Variants in KCTD1 observed in about 807,000 individuals in gnomAD.
KCTD1 encodes potassium channel tetramerization domain containing 1.
In KCTD1, 24 loss-of-function variants were observed where a neutral mutation model predicts 66.0. The ratio of observed to expected loss-of-function variants is 0.36; its 90% confidence interval spans 0.26 to 0.51. KCTD1 has a LOEUF of 0.51. Ranked by LOEUF, KCTD1 falls within the 20% of genes least tolerant of loss-of-function variation. The probability of loss-of-function intolerance (pLI) is 0.95; values close to 1 mark genes in which losing one functional copy is unlikely to be tolerated. For synonymous variants in KCTD1, 511 were observed against 517.2 expected, an observed-to-expected ratio of 0.99 and a Z score of 0.16; for missense variants, 943 against 1,205.2, an observed-to-expected ratio of 0.78 and a Z score of 3.22.
intron 1 of KCTD1, among the ~76,000 whole-genome samples, chr18:26,579,767 A>G (rs1598950451): frequency 6.6e-6 from 1 of 152,318 alleles, no homozygotes; most frequent in East Asian, 1.9e-4. Context: ...AATAAGTGGC[A>G]TTTAAAAAGC....
upstream of KCTD1, among the ~76,000 whole-genome samples, chr18:26,642,703 G>C (rs1987854658): frequency 6.6e-6 from 1 of 152,246 alleles, no homozygotes; most frequent in Non-Finnish European, 1.5e-5. Context: ...GGTCAGTTAA[G>C]TAGCGTGAAA....
At chr18:26,625,797 C>G (rs1313923198) in intron 1 of KCTD1, among the ~76,000 whole-genome samples, 4 of 152,142 alleles carry the variant, frequency 2.6e-5, no homozygotes, top group Non-Finnish European at 5.9e-5. Flanking sequence ...TCTTTTGCCT[C>G]TCTGGTCCCC....
intron 1 of KCTD1, among the ~76,000 whole-genome samples, chr18:26,558,409 A>G (rs1237279778): frequency 6.6e-6 from 1 of 152,198 alleles, no homozygotes; most frequent in Non-Finnish European, 1.5e-5. Flanking sequence ...TTCCTCAAAA[A>G]ACTAAAAATA....
chr18:26,629,981 C>T (rs182437751), upstream of KCTD1, among the ~76,000 whole-genome samples: 50 of 152,270 alleles, frequency 3.3e-4, no homozygotes, highest in African/African-American at 1.0e-3. Flanking sequence ...AAAGAAGCCT[C>T]GTCTGTCCAG....
At chr18:26,601,567 T>C (rs1017242350) in intron 1 of KCTD1, among the ~76,000 whole-genome samples, 1 of 152,208 alleles carries the variant, frequency 6.6e-6, no homozygotes, top group African/African-American at 2.4e-5. Context: ...AGCCGTGATT[T>C]TGATGGAGAC....
intron 1 of KCTD1, among the ~76,000 whole-genome samples, chr18:26,618,997 C>T (rs999556819): frequency 1.3e-5 from 2 of 152,174 alleles, no homozygotes; most frequent in Admixed American, 6.5e-5. Flanking sequence ...GCTCTGCCTT[C>T]CCTGGAGTCT....
intron 1 of KCTD1, among the ~76,000 whole-genome samples, chr18:26,590,498 A>G (rs1986576029): frequency 6.6e-6 from 1 of 152,156 alleles, no homozygotes; most frequent in Admixed American, 6.5e-5. Flanking sequence ...TGCCCTATCT[A>G]TTTAGAAAGG....
At chr18:26,575,866 C>T (rs1986213265) in intron 1 of KCTD1, among the ~76,000 whole-genome samples, 1 of 152,166 alleles carries the variant, frequency 6.6e-6, no homozygotes, top group Non-Finnish European at 1.5e-5. Flanking sequence ...TGAAACAGAG[C>T]CAAGGATGAG....
chr18:26,630,181 G>C (rs79598970), upstream of KCTD1, among the ~76,000 whole-genome samples: 3,793 of 152,220 alleles, frequency 0.025, 147 homozygotes, highest in African/African-American at 0.086. Flanking sequence ...TGCTAATACA[G>C]GCAACAGCAG....
At chr18:26,532,151 A>G (rs554262217) in intron 1 of KCTD1, among the ~76,000 whole-genome samples, 26 of 152,314 alleles carry the variant, frequency 1.7e-4, no homozygotes, top group African/African-American at 5.8e-4. Context: ...AAGGCTACAC[A>G]TAACCTAACA....
At chr18:26,461,898 C>CT (rs1358751291) in intron 3 of KCTD1, among the ~76,000 whole-genome samples, 1 of 152,146 alleles carries the variant, frequency 6.6e-6, no homozygotes, top group Non-Finnish European at 1.5e-5. Context: ...GGTGGATTAT[C>CT]TGAGGTCAGG....
Position 26,547,931 on chromosome 18 carries a change from C to T in KCTD1, c.606G>A (p.Gly202=). 1.3e-6 allele frequency: 2 copies of T among 1,543,692 alleles called. No individual in the cohort carries two copies. Among genetic ancestry groups the T allele is most frequent in the South Asian group, 1.2e-5 (1 of 84,062 alleles). The part of the protein sequence containing the change: ...QSPDFETMDK[G]ALCRVLRSFY... Reference sequence around the variant, plus strand: ...AGGAGCGCAGCACGCGGCACAGCGCCCCCTTGTCCATGGTCTCGAAGTCCG... The same window carrying T: ...AGGAGCGCAGCACGCGGCACAGCGCTCCCTTGTCCATGGTCTCGAAGTCCG... Residue 202 remains glycine, a synonymous_variant, in exon 1 of 5, where the codon GGG becomes GGA. Transcript: ENST00000580059.
At chr18:26,531,976 GA>G (rs376156464) in intron 1 of KCTD1, among the ~76,000 whole-genome samples, 2 of 152,150 alleles carry the variant, frequency 1.3e-5, no homozygotes, top group Non-Finnish European at 2.9e-5. Flanking sequence ...AAGAATGGGG[GA>G]GAAAGGCCTG....
At chr18:26,535,487 C>T (rs1326901431) in intron 1 of KCTD1, among the ~76,000 whole-genome samples, 2 of 151,122 alleles carry the variant, frequency 1.3e-5, no homozygotes, top group Non-Finnish European at 3.0e-5. Context: ...GTCCGCAAGT[C>T]AACCTAAGAC....
In KCTD1 at chr18:26,548,223, A is replaced by G. The variant is rs1302024891; in HGVS notation, c.314T>C (p.Leu105Pro). ...CTCCCCGGCCGAGTCCTCGGGCTCC[A>G]GGGGCTCGTCCCAGTCCAGCCCCAT... ...EEMGLDWDEP[L>P]EPEDSAGEEL... Residue 105 changes from leucine (L) to proline (P), a missense_variant, in exon 1 of 5, where the codon CTG (leucine) becomes CCG (proline). Physicochemically the swap from Leu to Pro is moderately conservative, Grantham distance 98. Transcript: ENST00000580059. 2 of 1,508,588 alleles carry G rather than the reference A, an allele frequency of 1.3e-6. No individual in the cohort carries two copies. The highest frequency in any genetic ancestry group is 1.8e-6 in the Non-Finnish European group (2 of 1,132,326). The allele number at this position is 1,508,588 out of a possible 1,614,324, so 93.5% of individuals were successfully genotyped here. A position where few individuals can be genotyped will look rare whatever the true frequency, so the allele number is the denominator to read the frequency against.
chr18:26,528,617 C>T lies in KCTD1; in HGVS notation c.1809+18111G>A, dbSNP rs1984283607. Among the ~76,000 whole-genome samples the T allele has an allele frequency of 1.3e-5, 2 of 152,178 alleles. 1 individual carries two copies. The highest frequency in any genetic ancestry group is 4.8e-5 in the African/African-American group (2 of 41,440). On this transcript the variant is annotated intron_variant, in intron 1 of 4. Coordinates refer to ENST00000580059, the MANE Select transcript of KCTD1 (RefSeq NM_001142730.3). ...AAACTGGAGCCATGTTTCTGTTCCT[C>T]CTTCTTCACCTCTCAGGCTCCCTCA...
At chr18:26,642,082 C>T (rs1987844468), upstream of KCTD1, among the ~76,000 whole-genome samples, 1 of 152,136 alleles carries the variant, frequency 6.6e-6, no homozygotes, top group South Asian at 2.1e-4. Context: ...CTTTTCCATG[C>T]CCTATGGAAT....
At chr18:26,609,904 T>C (rs932757697) in intron 1 of KCTD1, among the ~76,000 whole-genome samples, 2 of 152,250 alleles carry the variant, frequency 1.3e-5, no homozygotes, top group African/African-American at 2.4e-5. Flanking sequence ...ACATAAAGTG[T>C]GTCAACTTAC....
At chr18:26,572,063 G>GT (rs1049877615) in intron 1 of KCTD1, among the ~76,000 whole-genome samples, 5,845 of 139,822 alleles carry the variant, frequency 0.042, 221 homozygotes, top group African/African-American at 0.099. Context: ...TGTTGTTGTT[G>GT]TTTTTTTTTT....
Sources: gnomAD v4.1 joint callset for allele counts (sites outside exome capture counted in the v4.1 genomes callset) on GRCh38, gnomAD v4.1.1 for gene constraint, MANE v1.5 for transcripts, NCBI Gene and HGNC (gene_info 2026-07-23, HGNC 2026-07-21) for gene names.